CACNA2D1: variants seen among roughly 807,000 people sequenced by gnomAD.
CACNA2D1 encodes the protein calcium voltage-gated channel auxiliary subunit alpha2delta 1, also known as voltage-dependent calcium channel subunit alpha-2/delta-1.
In CACNA2D1, 53 loss-of-function variants were observed where a neutral mutation model predicts 171.5. That is an observed-to-expected ratio of 0.31 (90% CI 0.25 to 0.39). The LOEUF is 0.39. Ranked by LOEUF, CACNA2D1 falls within the 10% of genes least tolerant of loss-of-function variation. The pLI is 1.00. For missense variants in CACNA2D1, 903 were observed against 1,299.8 expected (o/e 0.69, Z 4.69); for synonymous variants, 442 against 443.1 (o/e 1.00, Z 0.03).
At chr7:82,334,408 C>G (rs1363433662) in intron 3 of CACNA2D1, among the ~76,000 whole-genome samples, 2 of 152,064 alleles carry the variant, frequency 1.3e-5, no homozygotes, top group African/African-American at 2.4e-5. Flanking sequence ...ATAATAGTAT[C>G]CATCTGGAAT....
intron 3 of CACNA2D1, among the ~76,000 whole-genome samples, chr7:82,330,733 T>C (rs1443142629): frequency 6.6e-6 from 1 of 152,176 alleles, no homozygotes; most frequent in African/African-American, 2.4e-5. Flanking sequence ...ATCGAATGCT[T>C]ATTCAGCATG....
chr7:81,959,232 C>CATTAATTTATAGT, intron 38 of CACNA2D1, 43 bp downstream of exon 38: 2 of 1,316,710 alleles, frequency 1.5e-6, no homozygotes, highest in East Asian at 4.6e-5. Flanking sequence ...GGACAGTGAC[C>CATTAATTTATAGT]ATTAATTTAT....
At chr7:82,377,467 A>C (rs1823146201) in intron 1 of CACNA2D1, among the ~76,000 whole-genome samples, 1 of 152,186 alleles carries the variant, frequency 6.6e-6, no homozygotes, top group Admixed American at 6.5e-5. Context: ...AATAAAAATT[A>C]TGAGAGGAAT....
chr7:82,031,527 G>A (rs947383122), intron 12 of CACNA2D1, among the ~76,000 whole-genome samples: 1 of 151,794 alleles, frequency 6.6e-6, no homozygotes, highest in African/African-American at 2.4e-5. Context: ...AAAACCAAAA[G>A]ATGTACCCTT....
At chr7:82,142,162 T>G (rs1476449792) in intron 4 of CACNA2D1, among the ~76,000 whole-genome samples, 2 of 152,198 alleles carry the variant, frequency 1.3e-5, no homozygotes, top group East Asian at 3.9e-4. Context: ...TTTTTCATAA[T>G]TTAAGCGCCA....
At chr7:82,291,265 T>A (rs1811525758) in intron 3 of CACNA2D1, among the ~76,000 whole-genome samples, 1 of 142,330 alleles carries the variant, frequency 7.0e-6, no homozygotes, top group Admixed American at 7.2e-5. Context: ...CTATATAGAA[T>A]ATAGTGTATA....
intron 4 of CACNA2D1, among the ~76,000 whole-genome samples, chr7:82,137,189 C>G (rs1197934471): frequency 6.6e-6 from 1 of 152,100 alleles, no homozygotes; most frequent in East Asian, 1.9e-4. Context: ...TAAAAAATAT[C>G]AGATTATCTC....
intron 4 of CACNA2D1, among the ~76,000 whole-genome samples, chr7:82,148,536 A>G (rs1463344765): frequency 6.6e-6 from 1 of 152,202 alleles, no homozygotes; most frequent in Non-Finnish European, 1.5e-5. Flanking sequence ...AGTCTGGAAT[A>G]AAGACTTTTC....
chr7:82,276,990 C>T (rs1296579732), intron 3 of CACNA2D1, among the ~76,000 whole-genome samples: 3 of 152,048 alleles, frequency 2.0e-5, no homozygotes, highest in African/African-American at 7.2e-5. Context: ...TTATGATCTG[C>T]CTGCCTCAGC....
At position 81,946,952 on chromosome 7, in the gene CACNA2D1, A is replaced by G. The variant is rs964891771; in HGVS notation, c.*3440T>C. ...TATTGACATTCTGCTATGGGAAACA[A>G]TACAAGTTTAGATGAAAAAATATTT... On this transcript the variant is annotated 3_prime_UTR_variant, in exon 39 of 39. Transcript: ENST00000356860. 2 of 152,136 alleles carry G rather than the reference A, an allele frequency of 1.3e-5. No individual in the cohort carries two copies. The highest frequency in any genetic ancestry group is 4.8e-5 in the African/African-American group (2 of 41,450). The allele number at this position is 152,136 out of a possible 1,614,324, so 9.4% of individuals were successfully genotyped here.
chr7:82,381,572 T>C (rs529515213), intron 1 of CACNA2D1, among the ~76,000 whole-genome samples: 1 of 152,178 alleles, frequency 6.6e-6, no homozygotes, highest in Non-Finnish European at 1.5e-5. Context: ...TTTATTATTT[T>C]ACCCTTACCT....
intron 1 of CACNA2D1, among the ~76,000 whole-genome samples, chr7:82,422,089 A>G (rs1269030785): frequency 6.6e-6 from 1 of 152,196 alleles, no homozygotes; most frequent in African/African-American, 2.4e-5. Context: ...TGCCCATCCC[A>G]TATTTTTACC....
At position 82,443,249 on chromosome 7, in the gene CACNA2D1, G is replaced by A. The variant is rs989944545; in HGVS notation, c.95+116C>T. ...CTCCGCATCCGAGCCTGGCTCCCCG[G>A]CCGCTCGCTCCCCACCCCCACGGGC... is the stretch of plus-strand genomic sequence containing the variant. On this transcript the variant is annotated intron_variant, in intron 1 of 38. Transcript: ENST00000356860. 1.1e-5 allele frequency: 11 copies of A among 1,009,094 alleles called. No individual in the cohort carries two copies. In the African/African-American group the frequency reaches 1.5e-4, roughly 14 times the overall value. The allele number at this position is 1,009,094 out of a possible 1,614,324, so 62.5% of individuals were successfully genotyped here.
At chr7:82,071,552 C>A (rs988296173) in intron 7 of CACNA2D1, among the ~76,000 whole-genome samples, 1 of 152,200 alleles carries the variant, frequency 6.6e-6, no homozygotes, top group East Asian at 1.9e-4. Context: ...GAGAGAACTG[C>A]GTGTGACCCA....
At chr7:82,035,748 A>G (rs1385393134) in intron 11 of CACNA2D1, among the ~76,000 whole-genome samples, 1 of 152,194 alleles carries the variant, frequency 6.6e-6, no homozygotes, top group Non-Finnish European at 1.5e-5. Context: ...TTAAAATGCC[A>G]AGATCAAGGA....
At chr7:82,222,761 T>C (rs1033301165) in intron 3 of CACNA2D1, among the ~76,000 whole-genome samples, 1 of 152,130 alleles carries the variant, frequency 6.6e-6, no homozygotes, top group African/African-American at 2.4e-5. Context: ...ATCCCAAGCA[T>C]GTAATATAGT....
chr7:82,005,360 A>G, intron 18 of CACNA2D1, 63 bp downstream of exon 18: 1 of 998,288 alleles, frequency 1.0e-6, no homozygotes, highest in Non-Finnish European at 1.6e-6. Flanking sequence ...CAACAATCCT[A>G]TTAAGAACAT....
At chr7:82,108,313 C>G (rs1198092161) in intron 6 of CACNA2D1, among the ~76,000 whole-genome samples, 1 of 152,108 alleles carries the variant, frequency 6.6e-6, no homozygotes, top group African/African-American at 2.4e-5. Flanking sequence ...AAAGAAGTAG[C>G]TATAAAGTAT....
chr7:82,322,858 G>C (rs1816172273), intron 3 of CACNA2D1, among the ~76,000 whole-genome samples: 1 of 152,100 alleles, frequency 6.6e-6, no homozygotes. Flanking sequence ...ATCTCACAAC[G>C]GGCTTCTACC....
Sources: allele counts gnomAD v4.1 joint callset (sites outside exome capture counted in the v4.1 genomes callset), GRCh38; gene constraint gnomAD v4.1.1; transcripts MANE v1.5; gene names NCBI Gene and HGNC (gene_info 2026-07-23, HGNC 2026-07-21).